CFAP92: variants seen among roughly 807,000 people sequenced by gnomAD.
The protein encoded by CFAP92 is cilia and flagella associated protein 92 (putative), also known as uncharacterized protein CFAP92.
A neutral mutation model predicts 106.3 loss-of-function variants in CFAP92; 86 were observed. That is an observed-to-expected ratio of 0.81 (90% CI 0.68 to 0.97). The LOEUF is 0.97. Ranked by LOEUF, CFAP92 falls within the 50% of genes least tolerant of loss-of-function variation. CFAP92 has a pLI of 0.00. For synonymous variants in CFAP92, 477 were observed against 506.4 expected (o/e 0.94, Z 0.78); for missense variants, 1,204 against 1,283.8 (o/e 0.94, Z 0.95).
chr3:128,960,540 G>A (rs922049719), intron 9 of CFAP92, among the ~76,000 whole-genome samples: 2 of 152,138 alleles, frequency 1.3e-5, no homozygotes, highest in African/African-American at 2.4e-5. Context: ...AAAGAGACAC[G>A]TTTTATCCGT....
At chr3:128,918,436 C>G (rs920044389) in intron 12 of CFAP92, among the ~76,000 whole-genome samples, 10 of 152,168 alleles carry the variant, frequency 6.6e-5, no homozygotes, top group Non-Finnish European at 1.2e-4. Context: ...TCATGCCACT[C>G]TACTCCAGCC....
At chr3:128,920,594 A>G (rs1937190267) in intron 12 of CFAP92, among the ~76,000 whole-genome samples, 1 of 151,998 alleles carries the variant, frequency 6.6e-6, no homozygotes, top group African/African-American at 2.4e-5. Flanking sequence ...GAGTGTTGGG[A>G]AAAAGGCTGA....
chr3:128,924,880 C>T (rs1255929917), intron 12 of CFAP92, among the ~76,000 whole-genome samples: 2 of 152,254 alleles, frequency 1.3e-5, no homozygotes, highest in African/African-American at 4.8e-5. Flanking sequence ...TTTCAACCCC[C>T]ACATCCTCAC....
intron 7 of CFAP92, among the ~76,000 whole-genome samples, chr3:128,972,954 AG>A (rs1450591804): frequency 6.6e-6 from 1 of 152,170 alleles, no homozygotes; most frequent in Non-Finnish European, 1.5e-5. Context: ...CAGTCTTGCA[AG>A]TAGCTTGGAC....
At chr3:128,975,602 A>T (rs1239916462) in intron 7 of CFAP92, among the ~76,000 whole-genome samples, 177 bp downstream of exon 7, 1 of 152,188 alleles carries the variant, frequency 6.6e-6, no homozygotes. Flanking sequence ...GGGTGGATGG[A>T]TGGATAGACG....
intron 4 of CFAP92, among the ~76,000 whole-genome samples, chr3:128,984,425 C>T (rs144324463): frequency 1.1e-3 from 161 of 152,234 alleles, no homozygotes; most frequent in Admixed American, 1.9e-3. Context: ...CTGAGTCTTC[C>T]GGCCTTCATC....
chr3:128,947,143 GT>G (rs1172371629), intron 9 of CFAP92, among the ~76,000 whole-genome samples: 1 of 151,922 alleles, frequency 6.6e-6, no homozygotes, highest in Non-Finnish European at 1.5e-5. Flanking sequence ...ATCCCTAGGT[GT>G]CCCCCCAGTG....
Position 128,975,919 on chromosome 3 carries a change from A to T in CFAP92, c.897-16T>A. The T allele has an allele frequency of 6.3e-7, 1 of 1,591,562 alleles. No homozygotes were observed. Among genetic ancestry groups the T allele is most frequent in the South Asian group, 1.2e-5 (1 of 86,072 alleles). On this transcript the variant is annotated splice_polypyrimidine_tract_variant and intron_variant, in intron 6 of 15. Coordinates refer to ENST00000645291, the MANE Select transcript of CFAP92 (RefSeq NM_001394090.1). ...AACACTCCATCTAGAAAATTCACAA[A>T]GAGAAAAATTAATGAAGGTGAAAAA...
chr3:128,939,518 T>C (rs557280732), intron 10 of CFAP92, among the ~76,000 whole-genome samples: 1 of 152,234 alleles, frequency 6.6e-6, no homozygotes, highest in Admixed American at 6.5e-5. Context: ...TAGTTTTTCA[T>C]CTATTTAGTG....
intron 12 of CFAP92, 35 bp downstream of exon 12, chr3:128,932,665 C>G (rs1483667989): frequency 1.3e-6 from 2 of 1,513,130 alleles, no homozygotes; most frequent in East Asian, 2.5e-5. Context: ...CAGGTGAGGC[C>G]TGGGAACCCC....
rs112139154 is a variant in CFAP92 at position 128,943,557 on chromosome 3, C to G, written c.2258+1514G>C. Among the ~76,000 whole-genome samples the G allele has an allele frequency of 2.7e-5, 4 of 150,194 alleles. No individual in the cohort carries two copies. In the East Asian group the frequency reaches 7.8e-4, roughly 29 times the overall value. ...CATTTCTTTTTTTTTTTTCTTGAGACGGAGTTTCGCTCTTGTTTCCCAGGC... is the reference window on the plus strand; with the variant it reads ...CATTTCTTTTTTTTTTTTCTTGAGAGGGAGTTTCGCTCTTGTTTCCCAGGC... On this transcript the variant is annotated intron_variant, in intron 10 of 15. Transcript: ENST00000645291.
chr3:129,002,686 T>C (rs910658756), exon 1 of CFAP92: 5 of 262,358 alleles, frequency 1.9e-5, no homozygotes, highest in Non-Finnish European at 2.9e-5. Context: ...TTCTCTCTCC[T>C]TCCTGCCAGG....
At chr3:128,956,184 T>TA (rs369899266) in intron 9 of CFAP92, among the ~76,000 whole-genome samples, 148 of 49,220 alleles carry the variant, frequency 3.0e-3, no homozygotes, top group Admixed American at 5.5e-3. Context: ...AAAAATAAAT[T>TA]AAAAAAAAAA....
intron 15 of CFAP92, chr3:128,912,890 C>T (rs1196767199): frequency 1.7e-6 from 1 of 594,410 alleles, no homozygotes. Flanking sequence ...ATTGAGGAGA[C>T]ACCATAGTGG....
At chr3:128,997,926 A>G (rs1312492678), upstream of CFAP92, among the ~76,000 whole-genome samples, 1 of 152,236 alleles carries the variant, frequency 6.6e-6, no homozygotes, top group East Asian at 1.9e-4. Context: ...CCCATCAACA[A>G]CATGAAGTTT....
chr3:129,007,626 G>A (rs190238873), upstream of CFAP92, among the ~76,000 whole-genome samples: 3 of 152,334 alleles, frequency 2.0e-5, no homozygotes, highest in East Asian at 5.8e-4. Context: ...TATGTCGGAT[G>A]TTTCAAATAA....
the CFAP92 span, among the ~76,000 whole-genome samples, chr3:129,009,808 G>A: frequency 3.3e-5 from 5 of 152,232 alleles, no homozygotes; most frequent in African/African-American, 4.8e-5. Flanking sequence ...ACACAGAGCA[G>A]GCTTGTCTGG....
chr3:128,952,140 T>C (rs1455880705), intron 9 of CFAP92, among the ~76,000 whole-genome samples: 1 of 151,174 alleles, frequency 6.6e-6, no homozygotes, highest in Non-Finnish European at 1.5e-5. Context: ...CTTCTTCTTT[T>C]TTTTTTTTTT....
chr3:128,962,185 A>AT (rs1487980571), intron 9 of CFAP92, among the ~76,000 whole-genome samples: 14 of 152,216 alleles, frequency 9.2e-5, no homozygotes, highest in Non-Finnish European at 1.5e-4. Context: ...ATGCTGCCCG[A>AT]TCGCCTCGGA....
Sources: allele counts gnomAD v4.1 joint callset (sites outside exome capture counted in the v4.1 genomes callset), GRCh38; gene constraint gnomAD v4.1.1; transcripts MANE v1.5; gene names NCBI Gene and HGNC (gene_info 2026-07-23, HGNC 2026-07-21).